RPH3A: variants seen among roughly 807,000 people sequenced by gnomAD.
RPH3A encodes the protein rabphilin-3A.
In RPH3A, 48 loss-of-function variants were observed where a neutral mutation model predicts 102.2. The ratio of observed to expected loss-of-function variants is 0.47; its 90% confidence interval spans 0.37 to 0.60. The LOEUF (loss-of-function observed/expected upper bound fraction) is 0.60, where lower values mean the gene tolerates loss of function less well. RPH3A is among the 20% of genes least tolerant of loss of function. The pLI is 0.00. For missense variants in RPH3A, 781 were observed against 910.1 expected, an observed-to-expected ratio of 0.86 and a Z score of 1.83; for synonymous variants, 310 against 324.3, an observed-to-expected ratio of 0.96 and a Z score of 0.47.
At position 112,842,802 on chromosome 12, in the gene RPH3A, T is replaced by C. The variant is rs113920174; in HGVS notation, c.84-4894T>C. On this transcript the variant is annotated intron_variant, in intron 4 of 21. Coordinates refer to ENST00000389385, the MANE Select transcript of RPH3A (RefSeq NM_001143854.2). ...GGTCACAATAGCAAGGGCTGCTGTG[T>C]CCTGGGCATTTGGCATGCACTTTCA... Among the ~76,000 whole-genome samples the C allele has an allele frequency of 7.4e-3, 1,133 of 152,320 alleles. 19 individuals are homozygous for C. Among genetic ancestry groups the C allele is most frequent in the African/African-American group, 0.025 (1,057 of 41,566 alleles).
At chr12:112,619,233 C>T (rs138924645) in intron 1 of RPH3A, among the ~76,000 whole-genome samples, 147 of 140,122 alleles carry the variant, frequency 1.0e-3, no homozygotes, top group Non-Finnish European at 2.1e-3. Flanking sequence ...AATGGAATTG[C>T]CTTATGGTAA....
rs143485513 is a variant in RPH3A at position 112,692,146 on chromosome 12, A to G, written c.-139-99997A>G. The stretch of plus-strand genomic sequence containing the variant: ...GTTGGCCTCAAAGAAGTAAAAGTAC[A>G]ACAGTGGATATTAGAGGCTGGGAAG... On this transcript the variant is annotated intron_variant, in intron 1 of 21. Transcript: ENST00000543106. Among the ~76,000 whole-genome samples the G allele has an allele frequency of 1.8e-3, 280 of 152,324 alleles. 1 individual carries two copies. The highest frequency in any genetic ancestry group is 0.017 in the Middle Eastern group (5 of 294).
rs765458966 is a variant in RPH3A at position 112,870,074 on chromosome 12, T to A, written c.796+35T>A. ...ATGGGCAAATCCAGAGACAGTTCTC[T>A]GGATAGGGAGACTCAAAAAGAATGA... On this transcript the variant is annotated intron_variant, in intron 10 of 21. Coordinates refer to ENST00000389385, the MANE Select transcript of RPH3A (RefSeq NM_001143854.2). 3.8e-6 allele frequency: 6 copies of A among 1,577,066 alleles called. No individual in the cohort carries two copies. In the South Asian group the frequency reaches 7.0e-5, roughly 18 times the overall value.
At position 112,879,218 on chromosome 12, in the gene RPH3A, CA is replaced by C; in HGVS notation, c.1251+21del. On this transcript the variant is annotated intron_variant, in intron 14 of 21. Transcript: ENST00000389385. Reference sequence around the variant, plus strand: ...GCCAAGGTGGGTGATGGGGACCATGCAGGGAACCTCTCAGGATGCTCTGGCA... The same window carrying C: ...GCCAAGGTGGGTGATGGGGACCATGCGGGAACCTCTCAGGATGCTCTGGCA... 6.2e-7 allele frequency: 1 copy of C among 1,604,096 alleles called. No homozygotes were observed. Among genetic ancestry groups the C allele is most frequent in the African/African-American group, 1.3e-5 (1 of 74,772 alleles).
chr12:112,785,957 A>G (rs1055230968), intron 1 of RPH3A, among the ~76,000 whole-genome samples: 10 of 151,860 alleles, frequency 6.6e-5, no homozygotes, highest in African/African-American at 2.4e-4. Flanking sequence ...CATCATTTAG[A>G]GTATACGAAA....
At chr12:112,845,513 G>A (rs1026029625) in intron 4 of RPH3A, among the ~76,000 whole-genome samples, 1 of 152,160 alleles carries the variant, frequency 6.6e-6, no homozygotes, top group African/African-American at 2.4e-5. Context: ...CGAACAGGGG[G>A]CCCTGAAGCT....
chr12:112,578,443 C>T (rs1460446985), intron 1 of RPH3A, among the ~76,000 whole-genome samples: 3 of 152,032 alleles, frequency 2.0e-5, no homozygotes, highest in Non-Finnish European at 4.4e-5. Flanking sequence ...CAAAAAACTT[C>T]CTAAGAAACC....
chr12:112,670,209 G>A (rs974986317), intron 1 of RPH3A, among the ~76,000 whole-genome samples: 2 of 152,172 alleles, frequency 1.3e-5, no homozygotes, highest in African/African-American at 4.8e-5. Flanking sequence ...CTGAGATGGA[G>A]TCTCGCCTTG....
At chr12:112,739,441 C>T (rs968611787) in intron 1 of RPH3A, among the ~76,000 whole-genome samples, 1 of 152,140 alleles carries the variant, frequency 6.6e-6, no homozygotes, top group Non-Finnish European at 1.5e-5. Context: ...GGTTGGAACT[C>T]GTGCCTGTGG....
At chr12:112,805,590 A>T (rs2041443202) in intron 2 of RPH3A, among the ~76,000 whole-genome samples, 1 of 152,172 alleles carries the variant, frequency 6.6e-6, no homozygotes, top group Non-Finnish European at 1.5e-5. Flanking sequence ...GATTTGACTT[A>T]AGCCTGAGTC....
intron 1 of RPH3A, among the ~76,000 whole-genome samples, chr12:112,583,740 T>G (rs2039417091): frequency 6.6e-6 from 1 of 152,162 alleles, no homozygotes; most frequent in Non-Finnish European, 1.5e-5. Flanking sequence ...ACCCCAGCAC[T>G]TTGGGAGGCT....
chr12:112,634,247 C>T (rs2039830095), intron 1 of RPH3A, among the ~76,000 whole-genome samples: 1 of 43,874 alleles, frequency 2.3e-5, no homozygotes, highest in Admixed American at 1.9e-4. Flanking sequence ...ACTTGGGAGG[C>T]TGAGGCAGGA....
At chr12:112,726,053 C>T (rs550538213) in intron 1 of RPH3A, among the ~76,000 whole-genome samples, 48 of 151,996 alleles carry the variant, frequency 3.2e-4, no homozygotes, top group Admixed American at 2.9e-3. Flanking sequence ...CCTTGGCCTC[C>T]CAAAGTGCTG....
At chr12:112,590,278 G>T (rs937146219) in intron 1 of RPH3A, among the ~76,000 whole-genome samples, 13 of 152,266 alleles carry the variant, frequency 8.5e-5, no homozygotes, top group African/African-American at 3.1e-4. Flanking sequence ...TGGCACAGCT[G>T]GAGTGGCATT....
intron 3 of RPH3A, 80 bp downstream of exon 3, chr12:112,828,469 G>A: frequency 9.3e-7 from 1 of 1,072,270 alleles, no homozygotes; most frequent in Non-Finnish European, 1.4e-6. Flanking sequence ...AAAAAAGAAG[G>A]AATAGCTTCC....
At position 112,629,009 on chromosome 12, in the gene RPH3A, G is replaced by A. The variant is rs577334553; in HGVS notation, c.-140+53690G>A. ...GTGGGAGAGAACCATTTGCCCCAAT[G>A]TCTCACACTTTCAGAGCTCTCTATG... On this transcript the variant is annotated intron_variant, in intron 1 of 21. Transcript: ENST00000543106. Among the ~76,000 whole-genome samples, 86 of 152,226 alleles carry A rather than the reference G, an allele frequency of 5.6e-4. 1 individual carries two copies. Among genetic ancestry groups the A allele is most frequent in the African/African-American group, 2.0e-3 (83 of 41,534 alleles).
chr12:112,851,253 T>C (rs2042318424), intron 5 of RPH3A, among the ~76,000 whole-genome samples: 1 of 152,174 alleles, frequency 6.6e-6, no homozygotes, highest in Non-Finnish European at 1.5e-5. Context: ...TTTAGGTCAT[T>C]TGCCCAAGGT....
chr12:112,610,582 C>T (rs891632907), intron 1 of RPH3A, among the ~76,000 whole-genome samples: 7 of 150,304 alleles, frequency 4.7e-5, no homozygotes, highest in Admixed American at 4.0e-4. Flanking sequence ...AGTCCATTAT[C>T]TTATTTGATT....
At position 112,712,873 on chromosome 12, in the gene RPH3A, CTT is replaced by C. The variant is rs200904686; in HGVS notation, c.-139-79263_-139-79262del. Reference sequence around the variant, plus strand: ...ACTGTGTGCCACCACACCCAGCTCACTTTTTTTTCTTCTTCTTCTTCTTCTTC... The same window carrying C: ...ACTGTGTGCCACCACACCCAGCTCACTTTTTTCTTCTTCTTCTTCTTCTTC... On this transcript the variant is annotated intron_variant, in intron 1 of 21. Coordinates refer to the RPH3A transcript ENST00000543106. 3.4e-5 allele frequency among the ~76,000 whole-genome samples: 5 copies of C among 148,222 alleles called. 1 individual carries two copies. The highest frequency in any genetic ancestry group is 2.0e-4 in the Admixed American group (3 of 14,958).
Sources: gnomAD v4.1 joint callset for allele counts (sites outside exome capture counted in the v4.1 genomes callset) on GRCh38, gnomAD v4.1.1 for gene constraint, MANE v1.5 for transcripts, NCBI Gene and HGNC (gene_info 2026-07-23, HGNC 2026-07-21) for gene names.